PDE4D: variants seen among roughly 807,000 people sequenced by gnomAD.
PDE4D encodes phosphodiesterase 4D, also known as 3',5'-cyclic-AMP phosphodiesterase 4D.
A neutral mutation model predicts 87.4 loss-of-function variants in PDE4D; 24 were observed. The observed-to-expected ratio is 0.27, with a 90% CI of 0.20 to 0.39. The LOEUF (loss-of-function observed/expected upper bound fraction) is 0.39. Among genes scored for constraint, PDE4D ranks in the 10% least tolerant of loss-of-function variants. The pLI, the probability that PDE4D is intolerant of heterozygous loss-of-function variation, is 1.00. For synonymous variants in PDE4D, 384 were observed against 383.2 expected, an observed-to-expected ratio of 1.00 and a Z score of -0.02; for missense variants, 714 against 1,041.0, an observed-to-expected ratio of 0.69 and a Z score of 4.32.
intron 1 of PDE4D, among the ~76,000 whole-genome samples, chr5:60,194,415 A>C (rs13186865): frequency 0.075 from 11,294 of 151,468 alleles, 704 homozygotes; most frequent in African/African-American, 0.11. Flanking sequence ...GGGTCTTCTT[A>C]TTTTGTCTAC....
intron 1 of PDE4D, chr5:60,429,829 G>T: frequency 5.7e-6 from 2 of 352,722 alleles, no homozygotes; most frequent in South Asian, 2.3e-5. Flanking sequence ...AATGGTGGTG[G>T]ATTAGTTTTT....
chr5:60,322,540 G>T (rs1756405555), intron 1 of PDE4D, among the ~76,000 whole-genome samples: 1 of 152,020 alleles, frequency 6.6e-6, no homozygotes, highest in South Asian at 2.1e-4. Flanking sequence ...CCCAGTAGGT[G>T]AATTCTCTTA....
chr5:59,070,668 T>C (rs1304390712), intron 5 of PDE4D, among the ~76,000 whole-genome samples: 2 of 152,274 alleles, frequency 1.3e-5, no homozygotes, highest in East Asian at 1.9e-4. Context: ...CCTGATTACC[T>C]TTTTTTCTTT....
intron 6 of PDE4D, among the ~76,000 whole-genome samples, chr5:59,017,132 C>T (rs577333578): frequency 3.6e-4 from 55 of 152,154 alleles, no homozygotes; most frequent in African/African-American, 1.1e-3. Context: ...GAATGAGAGC[C>T]GAGGCAAGTC....
intron 2 of PDE4D, among the ~76,000 whole-genome samples, chr5:60,086,658 C>T (rs1019630598): frequency 1.3e-5 from 2 of 152,208 alleles, no homozygotes; most frequent in African/African-American, 4.8e-5. Flanking sequence ...ATAATTCCAT[C>T]TGCTGCCTAA....
At chr5:59,762,854 G>GATATAA (rs1762309744) in intron 1 of PDE4D, among the ~76,000 whole-genome samples, 1 of 51,688 alleles carries the variant, frequency 1.9e-5, no homozygotes, top group Non-Finnish European at 3.8e-5. Context: ...ACTGCTTAAG[G>GATATAA]ATATATATAT....
At chr5:59,241,738 G>A (rs1464270908) in intron 1 of PDE4D, among the ~76,000 whole-genome samples, 1 of 151,620 alleles carries the variant, frequency 6.6e-6, no homozygotes, top group Non-Finnish European at 1.5e-5. Context: ...GCTTTTCTCT[G>A]GGGATTTTAC....
At chr5:60,413,481 A>G (rs912506868) in intron 1 of PDE4D, among the ~76,000 whole-genome samples, 4 of 152,172 alleles carry the variant, frequency 2.6e-5, no homozygotes, top group African/African-American at 7.2e-5. Context: ...AAGGAGGAAG[A>G]AACGAAAGGA....
At chr5:59,519,462 C>T (rs1811795130) in intron 1 of PDE4D, among the ~76,000 whole-genome samples, 1 of 152,164 alleles carries the variant, frequency 6.6e-6, no homozygotes. Flanking sequence ...AGAGAATTCC[C>T]AGCACTGGGA....
At chr5:60,379,201 A>AC (rs1468175223) in intron 1 of PDE4D, among the ~76,000 whole-genome samples, 4 of 151,814 alleles carry the variant, frequency 2.6e-5, no homozygotes, top group African/African-American at 9.7e-5. Context: ...GAAAAAAAAA[A>AC]AAACATTAAA....
chr5:59,148,863 A>G (rs571523845), intron 5 of PDE4D, among the ~76,000 whole-genome samples: 10 of 151,656 alleles, frequency 6.6e-5, no homozygotes, highest in African/African-American at 2.4e-4. Context: ...TCTTTCCACT[A>G]CCTTAAACCC....
intron 1 of PDE4D, among the ~76,000 whole-genome samples, chr5:60,316,722 CT>C (rs1401483057): frequency 3.3e-5 from 5 of 152,044 alleles, no homozygotes; most frequent in Non-Finnish European, 7.4e-5. Flanking sequence ...TGTCAAAGGC[CT>C]TTTCTGCATC....
intron 3 of PDE4D, among the ~76,000 whole-genome samples, chr5:59,932,476 T>C (rs529815146): frequency 6.6e-6 from 1 of 152,332 alleles, no homozygotes; most frequent in South Asian, 2.1e-4. Context: ...AGTAAGTTCA[T>C]TTGCTTAGCT....
chr5:59,055,545 T>C (rs2153407449), intron 5 of PDE4D, among the ~76,000 whole-genome samples: 1 of 152,092 alleles, frequency 6.6e-6, no homozygotes, highest in African/African-American at 2.4e-5. Flanking sequence ...TCATGCTGGG[T>C]TATTTGTTTT....
intron 1 of PDE4D, among the ~76,000 whole-genome samples, chr5:60,356,954 C>T (rs1374698602): frequency 2.6e-5 from 4 of 152,078 alleles, no homozygotes; most frequent in African/African-American, 9.7e-5. Flanking sequence ...ACACTCACGT[C>T]CATCAACACA....
chr5:59,036,736 A>C (rs990446333), intron 6 of PDE4D, among the ~76,000 whole-genome samples: 1 of 152,244 alleles, frequency 6.6e-6, no homozygotes, highest in African/African-American at 2.4e-5. Context: ...TGGCTTGGAC[A>C]TTAAAAGTTT....
intron 1 of PDE4D, among the ~76,000 whole-genome samples, chr5:60,329,944 C>A (rs1359376106): frequency 6.6e-6 from 1 of 152,206 alleles, no homozygotes; most frequent in East Asian, 1.9e-4. Context: ...CCTGTGAGTT[C>A]TTTAACCAGT....
At chr5:59,770,583 TGCAAA>T (rs1165961080) in intron 1 of PDE4D, among the ~76,000 whole-genome samples, 1 of 152,124 alleles carries the variant, frequency 6.6e-6, no homozygotes, top group Non-Finnish European at 1.5e-5. Flanking sequence ...TTTAGTTTTG[TGCAAA>T]ACAAAACAAA....
At chr5:59,680,091 T>C (rs984237558) in intron 1 of PDE4D, among the ~76,000 whole-genome samples, 6 of 152,162 alleles carry the variant, frequency 3.9e-5, no homozygotes, top group Non-Finnish European at 5.9e-5. Context: ...GCTTAATTCC[T>C]TTTTTGAAAC....
Sources: gnomAD v4.1 joint callset for allele counts (sites outside exome capture counted in the v4.1 genomes callset) on GRCh38, gnomAD v4.1.1 for gene constraint, MANE v1.5 for transcripts, NCBI Gene and HGNC (gene_info 2026-07-23, HGNC 2026-07-21) for gene names.